Variants in RBFOX3 observed in about 807,000 individuals in gnomAD.
RBFOX3 encodes RNA binding fox-1 homolog 3.
In RBFOX3, 17 loss-of-function variants were observed where a neutral mutation model predicts 48.7. The ratio of observed to expected loss-of-function variants is 0.35; its 90% CI spans 0.24 to 0.52. RBFOX3 has a LOEUF of 0.52. RBFOX3 is among the 20% of genes least tolerant of loss of function. RBFOX3 has a pLI of 0.94. For missense variants in RBFOX3, 382 were observed against 497.5 expected (o/e 0.77, Z 2.21); for synonymous variants, 212 against 209.5 (o/e 1.01, Z -0.10).
the RBFOX3 span, among the ~76,000 whole-genome samples, chr17:79,656,895 G>GGAGGGAAGGAAGGAA: frequency 8.6e-5 from 10 of 116,314 alleles, no homozygotes; most frequent in African/African-American, 3.0e-4. Flanking sequence ...GAAGGAAGGA[G>GGAGGGAAGGAAGGAA]GGAAGGAAGG....
chr17:79,659,989 C>T, the RBFOX3 span, among the ~76,000 whole-genome samples: 3 of 152,112 alleles, frequency 2.0e-5, no homozygotes, highest in Non-Finnish European at 4.4e-5. Context: ...GAGCTCAAGA[C>T]CAGCCTGGCC....
intron 1 of RBFOX3, among the ~76,000 whole-genome samples, chr17:79,506,375 T>G (rs1188263727): frequency 6.6e-6 from 1 of 152,172 alleles, no homozygotes; most frequent in Non-Finnish European, 1.5e-5. Flanking sequence ...CCACGATCAC[T>G]GCATCACGCA....
intron 3 of RBFOX3, among the ~76,000 whole-genome samples, chr17:79,250,731 C>A (rs2063809291): frequency 6.6e-6 from 1 of 152,144 alleles, no homozygotes; most frequent in Non-Finnish European, 1.5e-5. Flanking sequence ...CTGTGCTTGG[C>A]TGTCCCCGTT....
At chr17:79,155,009 G>T (rs1465192042) in intron 4 of RBFOX3, among the ~76,000 whole-genome samples, 2 of 152,088 alleles carry the variant, frequency 1.3e-5, no homozygotes. Context: ...GGTGGCAGCC[G>T]TGCCAGGCAT....
chr17:79,149,149 T>C (rs2043731556), intron 4 of RBFOX3, among the ~76,000 whole-genome samples: 1 of 152,234 alleles, frequency 6.6e-6, no homozygotes, highest in Non-Finnish European at 1.5e-5. Context: ...GGACCCCCGC[T>C]GCCTGCCAGG....
rs868951950 is a variant in RBFOX3, at chr17:79,416,214, C to T, written c.-175+66240G>A. 3.9e-5 allele frequency among the ~76,000 whole-genome samples: 6 copies of T among 152,188 alleles called. No homozygotes were observed. The South Asian group carries it at 1.2e-3, about 32-fold the overall frequency. On this transcript the variant is annotated intron_variant, in intron 2 of 14. Coordinates refer to ENST00000693108, the MANE Select transcript of RBFOX3 (RefSeq NM_001350451.2). ...GGCCAAAGGACAGCTGGAATCCTCC[C>T]CGGGAGCAGCTGGAATCACCTGCAA...
intron 3 of RBFOX3, among the ~76,000 whole-genome samples, chr17:79,278,552 ACC>A (rs10710735): frequency 4.0e-5 from 6 of 151,864 alleles, no homozygotes; most frequent in Non-Finnish European, 8.8e-5. Flanking sequence ...GAGCATGCAG[ACC>A]CCCCACCCTG....
rs2075036156 is a variant in RBFOX3 at position 79,299,903 on chromosome 17, C to T, written c.-74+7821G>A. ...ACAGGCCTCCAAAGGAATCTGCCGA[C>T]ACTCTTTTTTTTTTTTTTTGAGACA... On this transcript the variant is annotated intron_variant, in intron 3 of 14. Transcript: ENST00000693108. The surrounding 1 kb of genome is among the most constrained non-coding windows in gnomAD (Gnocchi z 4.5). Among the ~76,000 whole-genome samples the T allele has an allele frequency of 6.6e-6, 1 of 151,728 alleles. No homozygotes were observed. Among genetic ancestry groups the T allele is most frequent in the Non-Finnish European group, 1.5e-5 (1 of 67,910 alleles).
intron 4 of RBFOX3, among the ~76,000 whole-genome samples, chr17:79,147,247 G>C (rs1032081137): frequency 1.3e-5 from 2 of 152,252 alleles, no homozygotes; most frequent in Admixed American, 6.5e-5. Flanking sequence ...GCCTTCTGGA[G>C]GAGGCAGGAA....
chr17:79,179,787 G>C (rs1324266652), intron 4 of RBFOX3, among the ~76,000 whole-genome samples: 1 of 152,186 alleles, frequency 6.6e-6, no homozygotes, highest in African/African-American at 2.4e-5. Context: ...TTTCAGATGA[G>C]CTCCTTCTTG....
At chr17:79,289,918 G>A (rs1342789607) in intron 3 of RBFOX3, among the ~76,000 whole-genome samples, 3 of 152,216 alleles carry the variant, frequency 2.0e-5, no homozygotes, top group Non-Finnish European at 4.4e-5. Context: ...TGGGTGGCCA[G>A]GGACTGCTCC....
At chr17:79,277,560 G>A (rs966344617) in intron 3 of RBFOX3, among the ~76,000 whole-genome samples, 5 of 152,206 alleles carry the variant, frequency 3.3e-5, no homozygotes, top group East Asian at 1.9e-4. Flanking sequence ...CAGCCGACGC[G>A]GTATGTTTGC....
intron 4 of RBFOX3, among the ~76,000 whole-genome samples, chr17:79,223,144 G>T (rs1440502176): frequency 6.6e-6 from 1 of 152,160 alleles, no homozygotes; most frequent in Admixed American, 6.5e-5. Flanking sequence ...GCCAAGTTAA[G>T]TTCCAGTGTT....
chr17:79,424,584 G>A (rs951269941), intron 2 of RBFOX3, among the ~76,000 whole-genome samples: 1 of 152,158 alleles, frequency 6.6e-6, no homozygotes, highest in Non-Finnish European at 1.5e-5. Context: ...TGCCCACTGA[G>A]TCTCCTTGAC....
rs770810443 is a variant in RBFOX3 at position 79,299,021 on chromosome 17, A to T, written c.-74+8703T>A. ...GGAGGCGGGAGGGCGCGAGTCTGTA[A>T]CTGGAGAGGTTTGTTTGGATTCAGC... On this transcript the variant is annotated intron_variant, in intron 3 of 14. Transcript: ENST00000693108. The surrounding 1 kb of genome is among the most constrained non-coding windows in gnomAD (Gnocchi z 4.5). 2.0e-5 allele frequency among the ~76,000 whole-genome samples: 3 copies of T among 152,192 alleles called. No individual in the cohort carries two copies. The highest frequency in any genetic ancestry group is 4.4e-5 in the Non-Finnish European group (3 of 68,036).
At chr17:79,578,226 G>A (rs1199198168) in intron 1 of RBFOX3, among the ~76,000 whole-genome samples, 1 of 152,256 alleles carries the variant, frequency 6.6e-6, no homozygotes, top group African/African-American at 2.4e-5. Flanking sequence ...ACAAAGCCCG[G>A]GGAAATCAGG....
At chr17:79,486,163 G>A (rs1193538894) in intron 1 of RBFOX3, among the ~76,000 whole-genome samples, 5 of 152,176 alleles carry the variant, frequency 3.3e-5, no homozygotes, top group Admixed American at 6.5e-5. Flanking sequence ...TCTAGGCCCC[G>A]CAGCCCGGCA....
intron 2 of RBFOX3, among the ~76,000 whole-genome samples, chr17:79,463,818 C>A (rs1321795581): frequency 6.6e-6 from 1 of 151,526 alleles, no homozygotes; most frequent in South Asian, 2.1e-4. Flanking sequence ...GCCACCTCCA[C>A]CGCCATCACC....
intron 2 of RBFOX3, among the ~76,000 whole-genome samples, chr17:79,348,866 AC>A (rs919831439): frequency 4.6e-5 from 7 of 150,904 alleles, no homozygotes; most frequent in Non-Finnish European, 8.9e-5. Flanking sequence ...ATGAGCCACC[AC>A]CCCCGGCCTA....
Sources: gnomAD v4.1 joint callset for allele counts (sites outside exome capture counted in the v4.1 genomes callset) on GRCh38, gnomAD v4.1.1 for gene constraint, Gnocchi (gnomAD v3.1) non-coding constraint, MANE v1.5 for transcripts, NCBI Gene and HGNC (gene_info 2026-07-23, HGNC 2026-07-21) for gene names.